Variants in KCNK13 observed in about 807,000 individuals in gnomAD.
KCNK13 encodes potassium two pore domain channel subfamily K member 13.
Under a neutral mutation model 23.4 loss-of-function variants are expected in KCNK13, and 12 were observed. The observed-to-expected ratio is 0.51, with a 90% confidence interval of 0.33 to 0.83. The LOEUF (loss-of-function observed/expected upper bound fraction) is 0.83, where lower values mean the gene tolerates loss of function less well. Among genes scored for constraint, KCNK13 ranks in the 40% least tolerant of loss-of-function variants. The probability of loss-of-function intolerance (pLI) is 0.02; values close to 1 mark genes in which losing one functional copy is unlikely to be tolerated. For missense variants in KCNK13, 463 were observed against 556.3 expected (o/e 0.83, Z 1.69); for synonymous variants, 231 against 229.5 (o/e 1.01, Z -0.06).
At chr14:90,158,831 C>T (rs1890222805) in intron 1 of KCNK13, among the ~76,000 whole-genome samples, 1 of 152,218 alleles carries the variant, frequency 6.6e-6, no homozygotes. Flanking sequence ...TAACCACAGC[C>T]TGGGACAGGC....
chr14:90,094,863 G>A (rs903151308), intron 1 of KCNK13, among the ~76,000 whole-genome samples: 2 of 151,976 alleles, frequency 1.3e-5, no homozygotes, highest in African/African-American at 4.8e-5. Context: ...CAGCCAGGAT[G>A]GTCTCGATCT....
chr14:90,130,179 C>CATTT (rs60505302), intron 1 of KCNK13, among the ~76,000 whole-genome samples: 5,804 of 142,044 alleles, frequency 0.041, 381 homozygotes, highest in African/African-American at 0.14. Flanking sequence ...TGGAGAAGGA[C>CATTT]ATTTATTTAT....
chr14:90,164,292 C>G (rs1344991627), intron 1 of KCNK13, among the ~76,000 whole-genome samples: 1 of 152,184 alleles, frequency 6.6e-6, no homozygotes, highest in African/African-American at 2.4e-5. Context: ...TTCTTTCTGA[C>G]ACTAATAATA....
chr14:90,169,566 AC>A (rs1890341319), intron 1 of KCNK13, among the ~76,000 whole-genome samples: 1 of 151,978 alleles, frequency 6.6e-6, no homozygotes. Context: ...TTGATGGGGA[AC>A]CCCTGCCCCT....
chr14:90,095,508 T>TA (rs918892237), intron 1 of KCNK13, among the ~76,000 whole-genome samples: 30 of 152,164 alleles, frequency 2.0e-4, no homozygotes, highest in African/African-American at 7.0e-4. Context: ...CTTATTTTTT[T>TA]TTCAGATGTG....
chr14:90,086,849 TAAA>T (rs1005006920), intron 1 of KCNK13, among the ~76,000 whole-genome samples: 13 of 152,208 alleles, frequency 8.5e-5, no homozygotes, highest in African/African-American at 3.1e-4. Context: ...ATGTAGATGG[TAAA>T]ATAATTCCAT....
At chr14:90,114,176 A>G (rs977198988) in intron 1 of KCNK13, among the ~76,000 whole-genome samples, 9 of 152,052 alleles carry the variant, frequency 5.9e-5, no homozygotes, top group East Asian at 3.9e-4. Context: ...TCCAATTTCT[A>G]TCTAGAGCAT....
intron 1 of KCNK13, among the ~76,000 whole-genome samples, chr14:90,094,538 G>A (rs1291436398): frequency 6.6e-6 from 1 of 152,100 alleles, no homozygotes; most frequent in Non-Finnish European, 1.5e-5. Context: ...CAGTCAACTG[G>A]AAGGAGACAA....
chr14:90,182,825 TAAA>T (rs11298963), intron 1 of KCNK13, among the ~76,000 whole-genome samples: 7 of 142,278 alleles, frequency 4.9e-5, no homozygotes, highest in Non-Finnish European at 7.7e-5. Context: ...CCCATCTCTT[TAAA>T]AAAAAAAAAA....
At chr14:90,096,471 T>C (rs1254618634) in intron 1 of KCNK13, among the ~76,000 whole-genome samples, 1 of 152,248 alleles carries the variant, frequency 6.6e-6, no homozygotes, top group Non-Finnish European at 1.5e-5. Flanking sequence ...CCTGAATTCT[T>C]AGTCCTCTTT....
chr14:90,149,252 A>C (rs1411735342), intron 1 of KCNK13, among the ~76,000 whole-genome samples: 1 of 152,176 alleles, frequency 6.6e-6, no homozygotes, highest in Admixed American at 6.5e-5. Context: ...GCTACTCGGG[A>C]GGCTGAGGCA....
intron 1 of KCNK13, among the ~76,000 whole-genome samples, chr14:90,143,465 T>C (rs1260420945): frequency 6.6e-6 from 1 of 152,152 alleles, no homozygotes; most frequent in African/African-American, 2.4e-5. Flanking sequence ...TTGTAAAGAA[T>C]CAGTTGACCA....
chr14:90,184,939 C>T lies in KCNK13; in HGVS notation c.1163C>T (p.Ser388Leu), dbSNP rs1477131819. Reference protein sequence around the residue: ...TSTLARDNEFSGGVGAFAIMN... With the variant: ...TSTLARDNEFLGGVGAFAIMN... ...ACACTGGCCCGGGACAATGAATTCT[C>T]AGGGGGGGTGGGAGCCTTTGCAATC... Residue 388 changes from serine to leucine, a missense_variant, in exon 2 of 2, where the codon TCA (serine) becomes TTA (leucine). Transcript: ENST00000282146. The surrounding 1 kb of genome is among the most constrained non-coding windows in gnomAD (Gnocchi z 5.6). 6 of 1,612,536 alleles carry T rather than the reference C, an allele frequency of 3.7e-6. No homozygotes were observed. The highest frequency in any genetic ancestry group is 5.1e-6 in the Non-Finnish European group (6 of 1,179,116).
At chr14:90,087,133 T>TATATATACATATATATATAC (rs1555401778) in intron 1 of KCNK13, among the ~76,000 whole-genome samples, 1 of 103,286 alleles carries the variant, frequency 9.7e-6, no homozygotes, top group African/African-American at 3.4e-5. Context: ...TATATACATA[T>TATATATACATATATATATAC]ATATATATAT....
chr14:90,080,619 T>G (rs1271465789), intron 1 of KCNK13, among the ~76,000 whole-genome samples: 1 of 152,200 alleles, frequency 6.6e-6, no homozygotes, highest in Non-Finnish European at 1.5e-5. Context: ...GCTTTTATAT[T>G]TGCAGCCATC....
chr14:90,162,023 C>A (rs1256260561), intron 1 of KCNK13, among the ~76,000 whole-genome samples: 2 of 151,942 alleles, frequency 1.3e-5, no homozygotes, highest in Non-Finnish European at 2.9e-5. Context: ...TACAATACAT[C>A]AAAAAACTTA....
At chr14:90,082,443 C>T (rs899341918) in intron 1 of KCNK13, among the ~76,000 whole-genome samples, 2 of 152,138 alleles carry the variant, frequency 1.3e-5, no homozygotes, top group South Asian at 2.1e-4. Context: ...ACACTATCCC[C>T]TCCAGCCTTA....
intron 1 of KCNK13, among the ~76,000 whole-genome samples, chr14:90,107,314 C>CA (rs1889556974): frequency 6.6e-6 from 1 of 152,018 alleles, no homozygotes; most frequent in African/African-American, 2.4e-5. Context: ...CCCATCTCTA[C>CA]TAAAATAGAA....
chr14:90,125,742 G>A (rs1242256216), intron 1 of KCNK13, among the ~76,000 whole-genome samples: 1 of 152,052 alleles, frequency 6.6e-6, no homozygotes, highest in Non-Finnish European at 1.5e-5. Context: ...TTAAAGTTGG[G>A]TCAGGCACAG....
Sources: allele counts gnomAD v4.1 joint callset (sites outside exome capture counted in the v4.1 genomes callset), GRCh38; gene constraint gnomAD v4.1.1; non-coding constraint Gnocchi (gnomAD v3.1); transcripts MANE v1.5; gene names NCBI Gene and HGNC (gene_info 2026-07-23, HGNC 2026-07-21).